Variants in FHIT observed in about 807,000 individuals in gnomAD.
FHIT encodes the protein fragile histidine triad diadenosine triphosphatase, also known as bis(5'-adenosyl)-triphosphatase.
In FHIT, 19 loss-of-function variants were observed where a neutral mutation model predicts 17.9. The ratio of observed to expected loss-of-function variants is 1.06; its 90% CI spans 0.74 to 1.56. The LOEUF (loss-of-function observed/expected upper bound fraction) is 1.56, where lower values mean the gene tolerates loss of function less well. Ranked by LOEUF, FHIT falls within the 40% of genes most tolerant of loss-of-function variation. The pLI, the probability that FHIT is intolerant of heterozygous loss-of-function variation, is 0.00. For missense variants in FHIT, 248 were observed against 189.2 expected (o/e 1.31, Z -1.82); for synonymous variants, 81 against 69.7 (o/e 1.16, Z -0.81).
intron 5 of FHIT, among the ~76,000 whole-genome samples, chr3:60,183,796 C>T (rs1202714531): frequency 2.0e-5 from 3 of 152,248 alleles, no homozygotes; most frequent in Admixed American, 6.5e-5. Flanking sequence ...GGCCCAGATC[C>T]TGATGACAGT....
chr3:59,844,874 G>A (rs1025052319), intron 8 of FHIT, among the ~76,000 whole-genome samples: 7 of 152,038 alleles, frequency 4.6e-5, no homozygotes, highest in African/African-American at 1.7e-4. Context: ...GAAAAAGATC[G>A]GTTTAGTTGT....
At chr3:61,036,918 G>T (rs11130808) in intron 3 of FHIT, among the ~76,000 whole-genome samples, 73,865 of 124,350 alleles carry the variant, frequency 0.59, 21,280 homozygotes, top group South Asian at 0.67. Context: ...TTTTTTGTTT[G>T]TTTGTTTTTT....
chr3:61,245,034 T>C (rs760580013), intron 1 of FHIT, among the ~76,000 whole-genome samples: 3 of 152,168 alleles, frequency 2.0e-5, no homozygotes, highest in Admixed American at 6.5e-5. Context: ...TTACAGAGGA[T>C]TGAAGAAATT....
intron 3 of FHIT, among the ~76,000 whole-genome samples, chr3:60,998,150 C>G (rs2030808199): frequency 6.6e-6 from 1 of 152,110 alleles, no homozygotes; most frequent in Non-Finnish European, 1.5e-5. Context: ...ATTTTAACAC[C>G]TATGAAGACA....
At chr3:60,646,332 G>T (rs1400197719) in intron 4 of FHIT, among the ~76,000 whole-genome samples, 1 of 152,004 alleles carries the variant, frequency 6.6e-6, no homozygotes, top group Non-Finnish European at 1.5e-5. Flanking sequence ...GAGCAAAATG[G>T]TATTAAATCT....
At chr3:59,902,717 C>T (rs548178343) in intron 8 of FHIT, among the ~76,000 whole-genome samples, 13 of 152,268 alleles carry the variant, frequency 8.5e-5, no homozygotes, top group African/African-American at 2.9e-4. Flanking sequence ...ACTGCATGAT[C>T]TTACTTAGAT....
chr3:60,548,936 T>G (rs1193386748), intron 4 of FHIT, among the ~76,000 whole-genome samples: 1 of 152,226 alleles, frequency 6.6e-6, no homozygotes, highest in Non-Finnish European at 1.5e-5. Flanking sequence ...CGATTGTATC[T>G]TCTTTCCAAT....
chr3:60,189,627 T>G (rs567567160), intron 5 of FHIT, among the ~76,000 whole-genome samples: 30 of 152,318 alleles, frequency 2.0e-4, no homozygotes, highest in African/African-American at 7.0e-4. Flanking sequence ...CCTCCACATT[T>G]TACCTGATAA....
chr3:60,304,882 A>G (rs1010475756), intron 5 of FHIT, among the ~76,000 whole-genome samples: 5 of 152,232 alleles, frequency 3.3e-5, no homozygotes, highest in African/African-American at 1.2e-4. Flanking sequence ...TTTTATTAAA[A>G]TCTCTGAATC....
chr3:60,526,195 G>C (rs1004969322), intron 5 of FHIT, among the ~76,000 whole-genome samples: 22 of 151,068 alleles, frequency 1.5e-4, no homozygotes, highest in African/African-American at 5.4e-4. Context: ...CCCTGGTCTA[G>C]CTCCAGTTCC....
intron 5 of FHIT, among the ~76,000 whole-genome samples, chr3:60,258,968 G>A (rs1293707487): frequency 6.6e-6 from 1 of 151,666 alleles, no homozygotes; most frequent in African/African-American, 2.4e-5. Flanking sequence ...GAAGGGGAAG[G>A]TAAAAGAGAT....
At chr3:60,077,705 C>T (rs1703082162) in intron 5 of FHIT, among the ~76,000 whole-genome samples, 1 of 105,722 alleles carries the variant, frequency 9.5e-6, no homozygotes, top group African/African-American at 4.2e-5. Flanking sequence ...CACACACACA[C>T]ACACACACAC....
intron 8 of FHIT, among the ~76,000 whole-genome samples, chr3:59,785,978 G>A (rs1699269936): frequency 6.6e-6 from 1 of 152,174 alleles, no homozygotes; most frequent in Non-Finnish European, 1.5e-5. Flanking sequence ...TGGCGCCTGT[G>A]AGCTCTGAGA....
At chr3:60,589,405 T>C (rs1339655137) in intron 4 of FHIT, among the ~76,000 whole-genome samples, 2 of 152,068 alleles carry the variant, frequency 1.3e-5, no homozygotes, top group Non-Finnish European at 2.9e-5. Context: ...AGTTCTCTCC[T>C]TCACTTTTCC....
chr3:61,048,431 C>T (rs936565759), intron 2 of FHIT, among the ~76,000 whole-genome samples: 1 of 152,138 alleles, frequency 6.6e-6, no homozygotes, highest in Non-Finnish European at 1.5e-5. Flanking sequence ...CAATGAGATA[C>T]CATCTCACAT....
In FHIT at chr3:59,749,293, TACACCGAG is replaced by T. The variant is rs1700753090; in HGVS notation, c.*284_*291del. The stretch of plus-strand genomic sequence containing the variant: ...TGTTGCCTAATTCATGGCAAGTCAA[TACACCGAG>T]ACACAGGGTTGCAGCAGAGAAGGAA... On this transcript the variant is annotated 3_prime_UTR_variant, in exon 10 of 10. Transcript: ENST00000492590. 4.3e-6 allele frequency: 1 copy of T among 230,930 alleles called. No homozygotes were observed. The highest frequency in any genetic ancestry group is 8.6e-6 in the Non-Finnish European group (1 of 116,796). 14.3% of individuals were successfully genotyped at this position (230,930 alleles called of 1,614,324 possible).
intron 3 of FHIT, among the ~76,000 whole-genome samples, chr3:60,876,749 C>T (rs2107101272): frequency 6.6e-6 from 1 of 152,304 alleles, no homozygotes; most frequent in South Asian, 2.1e-4. Flanking sequence ...TCACTAGAAA[C>T]TCCAGCACTC....
chr3:60,386,179 C>G (rs1423035407), intron 5 of FHIT, among the ~76,000 whole-genome samples: 2 of 152,128 alleles, frequency 1.3e-5, no homozygotes, highest in South Asian at 2.1e-4. Flanking sequence ...ACTCACTGGT[C>G]TCTTCTGCCT....
At chr3:59,999,045 G>A (rs1052638867) in intron 7 of FHIT, among the ~76,000 whole-genome samples, 5 of 152,140 alleles carry the variant, frequency 3.3e-5, no homozygotes, top group African/African-American at 1.2e-4. Context: ...ATTGTTTTGA[G>A]CCATATTTAT....
Sources: allele counts gnomAD v4.1 joint callset (sites outside exome capture counted in the v4.1 genomes callset), GRCh38; gene constraint gnomAD v4.1.1; transcripts MANE v1.5; gene names NCBI Gene and HGNC (gene_info 2026-07-23, HGNC 2026-07-21).